The following PLCB1 variants were observed in gnomAD, a reference collection of about 807,000 sequenced individuals.
PLCB1 encodes phospholipase C beta 1, also known as 1-phosphatidylinositol 4,5-bisphosphate phosphodiesterase beta-1.
In PLCB1, 46 loss-of-function variants were observed where a neutral mutation model predicts 161.8. The ratio of observed to expected loss-of-function variants is 0.28; its 90% CI spans 0.22 to 0.36. PLCB1 has a LOEUF of 0.36. Among genes scored for constraint, PLCB1 ranks in the 10% least tolerant of loss-of-function variants. The pLI is 1.00. For missense variants in PLCB1, 1,016 were observed against 1,472.5 expected (o/e 0.69, Z 5.07); for synonymous variants, 517 against 503.7 (o/e 1.03, Z -0.35).
At chr20:8,868,526 A>G (rs2146321850) in intron 31 of PLCB1, among the ~76,000 whole-genome samples, 1 of 152,338 alleles carries the variant, frequency 6.6e-6, no homozygotes, top group South Asian at 2.1e-4. Context: ...ACACACAAGA[A>G]TATCAGGTTC....
At chr20:8,578,770 C>T (rs999347480) in intron 3 of PLCB1, among the ~76,000 whole-genome samples, 3 of 152,178 alleles carry the variant, frequency 2.0e-5, no homozygotes, top group African/African-American at 7.2e-5. Flanking sequence ...TAAATTACAG[C>T]TTTTCTTATT....
chr20:8,181,915 G>C (rs1358682350), intron 2 of PLCB1, among the ~76,000 whole-genome samples: 2 of 152,180 alleles, frequency 1.3e-5, no homozygotes, highest in African/African-American at 2.4e-5. Flanking sequence ...GTTACAGTGA[G>C]CTATGATTGT....
intron 31 of PLCB1, among the ~76,000 whole-genome samples, chr20:8,863,388 A>G (rs2146315799): frequency 6.6e-6 from 1 of 152,360 alleles, no homozygotes; most frequent in African/African-American, 2.4e-5. Flanking sequence ...ATCCTCAACA[A>G]TTCATGTAAA....
At chr20:8,250,484 G>C (rs1048457528) in intron 2 of PLCB1, among the ~76,000 whole-genome samples, 1 of 151,796 alleles carries the variant, frequency 6.6e-6, no homozygotes, top group Non-Finnish European at 1.5e-5. Flanking sequence ...AGGTGGTTGG[G>C]AGTTAGATAC....
chr20:8,484,584 A>G (rs969384947), intron 3 of PLCB1, among the ~76,000 whole-genome samples: 1 of 150,832 alleles, frequency 6.6e-6, no homozygotes, highest in Non-Finnish European at 1.5e-5. Context: ...CTGTTCTCGA[A>G]CTCCTGACCT....
chr20:8,750,841 G>T (rs779259135), intron 23 of PLCB1: 1 of 1,364,972 alleles, frequency 7.3e-7, no homozygotes, highest in Non-Finnish European at 9.8e-7. Context: ...AGACTCACCC[G>T]TAATACGCTG....
chr20:8,152,795 C>G (rs906036323), intron 2 of PLCB1, among the ~76,000 whole-genome samples: 1 of 152,084 alleles, frequency 6.6e-6, no homozygotes, highest in Non-Finnish European at 1.5e-5. Flanking sequence ...AAGCTTATAC[C>G]AAAGCACTTG....
chr20:8,485,909 T>C (rs1231558909), intron 3 of PLCB1, among the ~76,000 whole-genome samples: 9 of 152,194 alleles, frequency 5.9e-5, no homozygotes, highest in Admixed American at 5.9e-4. Context: ...AACAACTGCC[T>C]GAGACTAGGT....
At chr20:8,433,029 T>G (rs813467) in intron 3 of PLCB1, among the ~76,000 whole-genome samples, 94,246 of 152,048 alleles carry the variant, frequency 0.62, 29,384 homozygotes, top group East Asian at 0.7. Flanking sequence ...GCAAACAGAT[T>G]CAGGATGATC....
At chr20:8,480,053 T>C (rs1330814728) in intron 3 of PLCB1, among the ~76,000 whole-genome samples, 1 of 152,154 alleles carries the variant, frequency 6.6e-6, no homozygotes, top group Admixed American at 6.6e-5. Context: ...AAAGGAGAAA[T>C]TGGCTAGGCC....
chr20:8,343,941 C>T (rs766963195), intron 2 of PLCB1, among the ~76,000 whole-genome samples: 2 of 152,168 alleles, frequency 1.3e-5, no homozygotes, highest in East Asian at 1.9e-4. Flanking sequence ...CTGACGTACT[C>T]GTTGACATCA....
chr20:8,349,873 C>T (rs1442403165), intron 2 of PLCB1, among the ~76,000 whole-genome samples: 1 of 151,470 alleles, frequency 6.6e-6, no homozygotes, highest in Non-Finnish European at 1.5e-5. Context: ...GGAAGAGAAT[C>T]AATATATTAA....
intron 31 of PLCB1, among the ~76,000 whole-genome samples, chr20:8,872,583 G>T (rs1169420454): frequency 6.6e-6 from 1 of 152,172 alleles, no homozygotes; most frequent in African/African-American, 2.4e-5. Flanking sequence ...TGCCTCTGCT[G>T]GGACTCAGTG....
intron 10 of PLCB1, among the ~76,000 whole-genome samples, chr20:8,694,251 T>C (rs1291142572): frequency 1.3e-5 from 2 of 152,220 alleles, no homozygotes; most frequent in Non-Finnish European, 2.9e-5. Flanking sequence ...GAACCTAATA[T>C]GCATTCCAAG....
chr20:8,781,155 C>A (rs951280773), intron 27 of PLCB1, among the ~76,000 whole-genome samples: 1 of 152,138 alleles, frequency 6.6e-6, no homozygotes, highest in South Asian at 2.1e-4. Flanking sequence ...ATTGCAGTCT[C>A]AGGAAGTATC....
rs1438027057 is a variant in PLCB1 at position 8,722,430 on chromosome 20, T to C, written c.1581+9T>C. 2.5e-6 allele frequency: 4 copies of C among 1,602,064 alleles called. No individual in the cohort carries two copies. The African/African-American group carries it at 4.0e-5, about 16-fold the overall frequency. On this transcript the variant is annotated intron_variant, in intron 15 of 31. Transcript: ENST00000338037. Reference sequence around the variant, plus strand: ...AATCTTCAATGGATGAGGTGGGTACTTAGGGCTTCTGGTCCCTAAGGCATT... The same window carrying C: ...AATCTTCAATGGATGAGGTGGGTACCTAGGGCTTCTGGTCCCTAAGGCATT...
chr20:8,686,845 T>TC (rs1167212651), intron 10 of PLCB1, among the ~76,000 whole-genome samples: 1 of 152,120 alleles, frequency 6.6e-6, no homozygotes, highest in Non-Finnish European at 1.5e-5. Flanking sequence ...AACAGACTAT[T>TC]CTCCAGTGAG....
chr20:8,584,528 G>T (rs1986931625), intron 3 of PLCB1, among the ~76,000 whole-genome samples: 1 of 148,570 alleles, frequency 6.7e-6, no homozygotes, highest in Non-Finnish European at 1.5e-5. Context: ...CATCCATATT[G>T]AAATAGAGAA....
Position 8,307,636 on chromosome 20 carries a change from C to A in PLCB1, c.178-63746C>A, listed in dbSNP as rs550703928. On this transcript the variant is annotated intron_variant, in intron 2 of 31. Transcript: ENST00000338037. ...TTAATTATGTTGTTAGTTAAGAACACTGGGCTGGGCACGGTGGCTCACACC... is the reference window on the plus strand; with the variant it reads ...TTAATTATGTTGTTAGTTAAGAACAATGGGCTGGGCACGGTGGCTCACACC... Among the ~76,000 whole-genome samples the A allele has an allele frequency of 3.3e-4, 50 of 152,140 alleles. 2 individuals are homozygous for A. The South Asian group carries it at 6.4e-3, about 20-fold the overall frequency.
Sources: gnomAD v4.1 joint callset for allele counts (sites outside exome capture counted in the v4.1 genomes callset) on GRCh38, gnomAD v4.1.1 for gene constraint, MANE v1.5 for transcripts, NCBI Gene and HGNC (gene_info 2026-07-23, HGNC 2026-07-21) for gene names.